The following XKR8 variants were observed in gnomAD, a reference collection of about 807,000 sequenced individuals.
XKR8 encodes the protein XK-related protein 8.
A neutral mutation model predicts 17.1 loss-of-function variants in XKR8; 10 were observed. That is an observed-to-expected ratio of 0.59 (90% CI 0.36 to 0.99). The LOEUF is 0.99. Among genes scored for constraint, XKR8 ranks in the 50% least tolerant of loss-of-function variants. The probability of loss-of-function intolerance (pLI) is 0.01; values close to 1 mark genes in which losing one functional copy is unlikely to be tolerated. For missense variants in XKR8, 411 were observed against 515.6 expected (o/e 0.80, Z 1.96); for synonymous variants, 213 against 251.9 (o/e 0.85, Z 1.46).
In XKR8 at chr1:27,966,544, C is replaced by G; in HGVS notation, c.532C>G (p.Leu178Val). The part of the protein sequence containing the change: ...CTSFLGISWA[L>V]LDYHRALRTC... ...ATCCTTCCTGGGCATCTCGTGGGCA[C>G]TGCTCGACTACCACCGGGCCTTGCG... The change falls in exon 3 of 3, where the codon CTG (leucine) becomes GTG (valine). Residue 178 changes from leucine (L) to valine (V), a missense_variant. Transcript: ENST00000373884. This position sits in a 1 kb window ranked among gnomAD's most constrained non-coding sequence, Gnocchi z 4.3. The G allele has an allele frequency of 6.2e-7, 1 of 1,613,876 alleles. No homozygotes were observed. Among genetic ancestry groups the G allele is most frequent in the Non-Finnish European group, 8.5e-7 (1 of 1,179,914 alleles).
Position 27,963,585 on chromosome 1 carries a change from C to T in XKR8, c.382C>T (p.Leu128=), listed in dbSNP as rs868779631. 6.2e-7 allele frequency: 1 copy of T among 1,614,214 alleles called. No homozygotes were observed. ...FDLAYADFLA[L]DISMLRLFET... ...CTTGGCCTACGCCGACTTCCTCGCC[C>T]TGGACATCAGCATGCTGCGGCTCTT... The change falls in exon 2 of 3, where the codon CTG becomes TTG. Residue 128 remains leucine (L), a synonymous_variant. Transcript: ENST00000373884.
In XKR8 at chr1:27,966,167, C is replaced by T. The variant is rs1413331131; in HGVS notation, c.491-336C>T. Among the ~76,000 whole-genome samples, 2 of 152,110 alleles carry T rather than the reference C, an allele frequency of 1.3e-5. No homozygotes were observed. The highest frequency in any genetic ancestry group is 1.9e-4 in the East Asian group (1 of 5,186). ...TTCCCAGAAAGAAAGGGTTATGGGG[C>T]CCTGGAAGATGCCCAGGATGCAGCC... On this transcript the variant is annotated intron_variant, in intron 2 of 2. Transcript: ENST00000373884. This position sits in a 1 kb window ranked among gnomAD's most constrained non-coding sequence, Gnocchi z 4.3.
rs1638593216 is a variant in XKR8, at chr1:27,967,149, G to T, written c.1137G>T (p.Gln379His). The T allele has an allele frequency of 6.3e-7, 1 of 1,590,994 alleles. No homozygotes were observed. Among genetic ancestry groups the T allele is most frequent in the Non-Finnish European group, 8.6e-7 (1 of 1,166,814 alleles). ...PQNRRMTHLA[Q>H]KFFPKAKDEA... The stretch of plus-strand genomic sequence containing the variant: ...ACAGGCGCATGACCCATTTAGCACA[G>T]AAGTTTTTCCCCAAGGCTAAGGATG... Residue 379 changes from glutamine to histidine, a missense_variant, in exon 3 of 3, where the codon CAG becomes CAT. Transcript: ENST00000373884. This position sits in a 1 kb window ranked among gnomAD's most constrained non-coding sequence, Gnocchi z 4.3.
rs1228625540 is a variant in XKR8 at position 27,960,407 on chromosome 1, C to T, written c.293+45C>T. 5 of 1,350,536 alleles carry T rather than the reference C, an allele frequency of 3.7e-6. No individual in the cohort carries two copies. In the East Asian group the frequency reaches 1.2e-4, roughly 33 times the overall value. 83.7% of individuals were successfully genotyped at this position (1,350,536 alleles called of 1,614,324 possible). ...AGGGGAGGAGTGTCGGAGCCCAGCA[C>T]CTCCGTCAGCTGGGTCACCTGTACA... On this transcript the variant is annotated intron_variant, in intron 1 of 2. Coordinates refer to ENST00000373884, the MANE Select transcript of XKR8 (RefSeq NM_018053.4). This position sits in a 1 kb window ranked among gnomAD's most constrained non-coding sequence, Gnocchi z 5.9.
In XKR8 at chr1:27,966,270, C is replaced by A. The variant is rs1368631263; in HGVS notation, c.491-233C>A. Reference sequence around the variant, plus strand: ...TTTGACAAATACCACCCGGATAGCACCTACGCAGCAAAGCGCTGTGGTGAG... The same window carrying A: ...TTTGACAAATACCACCCGGATAGCAACTACGCAGCAAAGCGCTGTGGTGAG... On this transcript the variant is annotated intron_variant, in intron 2 of 2. Transcript: ENST00000373884. This position sits in a 1 kb window ranked among gnomAD's most constrained non-coding sequence, Gnocchi z 4.3. Among the ~76,000 whole-genome samples, 1 of 152,144 alleles carries A rather than the reference C, an allele frequency of 6.6e-6. No individual in the cohort carries two copies. The highest frequency in any genetic ancestry group is 1.9e-4 in the East Asian group (1 of 5,200).
chr1:27,963,375 GC>G (rs1571673723), intron 1 of XKR8, 121 bp from the exon 2 acceptor site: 8 of 1,205,376 alleles, frequency 6.6e-6, no homozygotes, highest in Non-Finnish European at 9.1e-6. Flanking sequence ...ATTGCCGAAG[GC>G]CCCATAGCAT....
intron 2 of XKR8, 88 bp downstream of exon 2, chr1:27,963,781 G>A (rs902154060): frequency 2.6e-5 from 35 of 1,338,594 alleles, no homozygotes; most frequent in African/African-American, 4.4e-5. Flanking sequence ...TTTTATAAAG[G>A]CTGCTTAGAA....
Position 27,967,270 on chromosome 1 carries a change from G to C in XKR8, c.*70G>C. The C allele has an allele frequency of 6.7e-7, 1 of 1,482,968 alleles. No individual in the cohort carries two copies. Among genetic ancestry groups the C allele is most frequent in the Non-Finnish European group, 9.0e-7 (1 of 1,109,226 alleles). 91.9% of individuals were successfully genotyped at this position (1,482,968 alleles called of 1,614,324 possible). A position where few individuals can be genotyped will look rare whatever the true frequency, so the allele number is the denominator to read the frequency against. ...ATGGAGAGTGACTCTGTTGGCAGAA[G>C]GCAGGCGAGGATAAGCTAACGATGC... On this transcript the variant is annotated 3_prime_UTR_variant, in exon 3 of 3. Coordinates refer to ENST00000373884, the MANE Select transcript of XKR8 (RefSeq NM_018053.4). The surrounding 1 kb of genome is among the most constrained non-coding windows in gnomAD (Gnocchi z 4.3).
Position 27,963,530 on chromosome 1 carries a change from G to A in XKR8, c.327G>A (p.Val109=), listed in dbSNP as rs768313431. The change falls in exon 2 of 3, where the codon GTG becomes GTA. Residue 109 remains valine (V), a synonymous_variant. Coordinates refer to ENST00000373884, the MANE Select transcript of XKR8 (RefSeq NM_018053.4). ...CVQELRQGLL[V]WQQEEPSEFD... is the part of the protein sequence containing the mutation. ...AGGAGCTGCGGCAGGGGCTGCTGGT[G>A]TGGCAGCAGGAGGAGCCCTCTGAGT... 1.2e-6 allele frequency: 2 copies of A among 1,613,418 alleles called. No individual in the cohort carries two copies. Among genetic ancestry groups the A allele is most frequent in the Non-Finnish European group, 1.7e-6 (2 of 1,179,648 alleles).
In XKR8 at chr1:27,965,326, C is replaced by T. The variant is rs1451015442; in HGVS notation, c.491-1177C>T. 6.6e-6 allele frequency among the ~76,000 whole-genome samples: 1 copy of T among 152,160 alleles called. No individual in the cohort carries two copies. Among genetic ancestry groups the T allele is most frequent in the African/African-American group, 2.4e-5 (1 of 41,440 alleles). On this transcript the variant is annotated intron_variant, in intron 2 of 2. Transcript: ENST00000373884. The surrounding 1 kb of genome is among the most constrained non-coding windows in gnomAD (Gnocchi z 4.1). ...TCCCTACTTTTTATTTAGCAAACAT[C>T]TCTTTCGCTGCTGTTATGTGCCAGG...
At chr1:27,961,933 G>A (rs1411094207) in intron 1 of XKR8, among the ~76,000 whole-genome samples, 1 of 152,202 alleles carries the variant, frequency 6.6e-6, no homozygotes, top group African/African-American at 2.4e-5. Context: ...CCCCAGACCT[G>A]TCTGTCCAAA....
chr1:27,960,392 T>C lies in XKR8; in HGVS notation c.293+30T>C, dbSNP rs1054144788. 4 of 1,353,928 alleles carry C rather than the reference T, an allele frequency of 3.0e-6. No individual in the cohort carries two copies. Among genetic ancestry groups the C allele is most frequent in the Admixed American group, 3.8e-5 (1 of 26,096 alleles). 83.9% of individuals were successfully genotyped at this position (1,353,928 alleles called of 1,614,324 possible). ...GTGCTTCGCCCCGGGAGGGGAGGAG[T>C]GTCGGAGCCCAGCACCTCCGTCAGC... On this transcript the variant is annotated intron_variant, in intron 1 of 2. Coordinates refer to ENST00000373884, the MANE Select transcript of XKR8 (RefSeq NM_018053.4). This position sits in a 1 kb window ranked among gnomAD's most constrained non-coding sequence, Gnocchi z 5.9.
At position 27,968,036 on chromosome 1, in the gene XKR8, C is replaced by G. The variant is rs568608961; in HGVS notation, c.*836C>G. 1 of 152,678 alleles carries G rather than the reference C, an allele frequency of 6.5e-6. No homozygotes were observed. Among genetic ancestry groups the G allele is most frequent in the African/African-American group, 2.4e-5 (1 of 41,462 alleles). 9.5% of individuals were successfully genotyped at this position (152,678 alleles called of 1,614,324 possible). ...TGTGCCTGTGGGTCTCTACAAGTGA[C>G]AGATGTGTTGTTTTCAACAGTATTA... On this transcript the variant is annotated 3_prime_UTR_variant, in exon 3 of 3. Coordinates refer to ENST00000373884, the MANE Select transcript of XKR8 (RefSeq NM_018053.4).
At position 27,960,298 on chromosome 1, in the gene XKR8, G is replaced by C; in HGVS notation, c.229G>C (p.Gly77Arg). Residue 77 changes from glycine (G) to arginine (R), a missense_variant, in exon 1 of 3, where the codon GGG becomes CGG. Physicochemically the swap from Gly to Arg is moderately radical, Grantham distance 125. Coordinates refer to ENST00000373884, the MANE Select transcript of XKR8 (RefSeq NM_018053.4). This position sits in a 1 kb window ranked among gnomAD's most constrained non-coding sequence, Gnocchi z 5.9. The part of the protein sequence containing the change: ...WLRADPAGLH[G>R]SQPPRRCLAL... ...GCGCGCTGACCCTGCCGGCCTGCAC[G>C]GGTCGCAGCCCCCGCGCCGCTGCCT... 6.8e-7 allele frequency: 1 copy of C among 1,470,218 alleles called. No individual in the cohort carries two copies. Among genetic ancestry groups the C allele is most frequent in the Non-Finnish European group, 8.9e-7 (1 of 1,118,178 alleles). The allele number at this position is 1,470,218 out of a possible 1,614,324, so 91.1% of individuals were successfully genotyped here.
rs559185119 is a variant in XKR8, at chr1:27,960,796, A to G, written c.293+434A>G. 3.9e-4 allele frequency among the ~76,000 whole-genome samples: 59 copies of G among 152,368 alleles called. No individual in the cohort carries two copies. Among genetic ancestry groups the G allele is most frequent in the Non-Finnish European group, 7.5e-4 (51 of 68,028 alleles). On this transcript the variant is annotated intron_variant, in intron 1 of 2. Transcript: ENST00000373884. This position sits in a 1 kb window ranked among gnomAD's most constrained non-coding sequence, Gnocchi z 5.9. Reference sequence around the variant, plus strand: ...GAAAGAATGAGAAAGTGCCTCGCACAGTGCCTGGCCTGTAATGGCAGGGGC... The same window carrying G: ...GAAAGAATGAGAAAGTGCCTCGCACGGTGCCTGGCCTGTAATGGCAGGGGC...
rs1321236368 is a variant in XKR8, at chr1:27,960,240, C to G, written c.171C>G (p.Ser57=). 6.6e-7 allele frequency: 1 copy of G among 1,526,132 alleles called. No individual in the cohort carries two copies. Among genetic ancestry groups the G allele is most frequent in the Non-Finnish European group, 8.7e-7 (1 of 1,143,552 alleles). The allele number at this position is 1,526,132 out of a possible 1,614,324, so 94.5% of individuals were successfully genotyped here. The change falls in exon 1 of 3, where the codon TCC becomes TCG. Residue 57 remains serine, a synonymous_variant. Coordinates refer to ENST00000373884, the MANE Select transcript of XKR8 (RefSeq NM_018053.4). The surrounding 1 kb of genome is among the most constrained non-coding windows in gnomAD (Gnocchi z 5.9). ...TGCTGGCGCTGCTGGGCCTGGCCTC[C>G]GTGGCGCTGCAGCTCTTCAGCTGGC... The part of the protein sequence containing the change: ...ALVLALLGLA[S]VALQLFSWLW...
Position 27,960,358 on chromosome 1 carries a change from T to A in XKR8, c.289T>A (p.Tyr97Asn). Residue 97 changes from tyrosine to asparagine, a missense_variant, in exon 1 of 3, where the codon TAC (tyrosine) becomes AAC (asparagine). By Grantham distance (143) the Tyr-to-Asn change is moderately radical. Transcript: ENST00000373884. This position sits in a 1 kb window ranked among gnomAD's most constrained non-coding sequence, Gnocchi z 5.9. ...GCATCTCCTGCAGCTGGGTTACCTG[T>A]ACAGGTGAGTGCTTCGCCCCGGGAG... is the stretch of plus-strand genomic sequence containing the variant. ...LLHLLQLGYLYRCVQELRQGL... is the reference protein window; with the variant it reads ...LLHLLQLGYLNRCVQELRQGL... 1 of 1,389,004 alleles carries A rather than the reference T, an allele frequency of 7.2e-7. No homozygotes were observed. The highest frequency in any genetic ancestry group is 9.3e-7 in the Non-Finnish European group (1 of 1,076,874). The allele number at this position is 1,389,004 out of a possible 1,614,324, so 86.0% of individuals were successfully genotyped here.
chr1:27,961,833 C>T (rs1356421214), intron 1 of XKR8, among the ~76,000 whole-genome samples: 2 of 152,148 alleles, frequency 1.3e-5, no homozygotes, highest in East Asian at 1.9e-4. Flanking sequence ...GATGAGTGAA[C>T]GGGGTTCTCT....
chr1:27,967,646 C>T lies in XKR8; in HGVS notation c.*446C>T. On this transcript the variant is annotated 3_prime_UTR_variant, in exon 3 of 3. Coordinates refer to ENST00000373884, the MANE Select transcript of XKR8 (RefSeq NM_018053.4). This position sits in a 1 kb window ranked among gnomAD's most constrained non-coding sequence, Gnocchi z 4.3. ...CTAGAATTCTTCCTTCCCTCCCCCA[C>T]ACCATTCATTCAATTCATGAAACAA... is the stretch of plus-strand genomic sequence containing the variant. 1 of 156,122 alleles carries T rather than the reference C, an allele frequency of 6.4e-6. No homozygotes were observed. Among genetic ancestry groups the T allele is most frequent in the Non-Finnish European group, 1.4e-5 (1 of 70,844 alleles). 9.7% of individuals were successfully genotyped at this position (156,122 alleles called of 1,614,324 possible).
Sources: allele counts gnomAD v4.1 joint callset (sites outside exome capture counted in the v4.1 genomes callset), GRCh38; gene constraint gnomAD v4.1.1; non-coding constraint Gnocchi (gnomAD v3.1); transcripts MANE v1.5; gene names NCBI Gene and HGNC (gene_info 2026-07-23, HGNC 2026-07-21).